Variants in DNAH5 observed in about 807,000 individuals in gnomAD.
The protein encoded by DNAH5 is axonemal beta dynein heavy chain 5.
In DNAH5, 372 loss-of-function variants were observed where a neutral mutation model predicts 518.2. That is an observed-to-expected ratio of 0.72 (90% CI 0.66 to 0.78). DNAH5 has a LOEUF of 0.78. Ranked by LOEUF, DNAH5 falls within the 30% of genes least tolerant of loss-of-function variation. The probability of loss-of-function intolerance (pLI) is 0.00; values close to 1 mark genes in which losing one functional copy is unlikely to be tolerated. For missense variants in DNAH5, 5,523 were observed against 5,687.0 expected (o/e 0.97, Z 0.93); for synonymous variants, 2,039 against 2,025.9 (o/e 1.01, Z -0.17).
intron 12 of DNAH5, among the ~76,000 whole-genome samples, chr5:13,910,112 A>C (rs888695633): frequency 6.6e-6 from 1 of 152,198 alleles, no homozygotes; most frequent in Non-Finnish European, 1.5e-5. Flanking sequence ...ATCTGCCCCC[A>C]AAAGAAATCA....
In DNAH5 at chr5:13,733,009, C is replaced by G. The variant is rs78948406; in HGVS notation, c.11761+2122G>C. Among the ~76,000 whole-genome samples the G allele has an allele frequency of 8.5e-3, 1,290 of 152,172 alleles. 12 individuals are homozygous for G. The highest frequency in any genetic ancestry group is 0.03 in the African/African-American group (1,226 of 41,530). On this transcript the variant is annotated intron_variant, in intron 68 of 78. Coordinates refer to ENST00000265104, the MANE Select transcript of DNAH5 (RefSeq NM_001369.3). ...CAAACAGCTGTTGAAAGCCAAAGACCCATGACAACCAGTCCAACCCATACA... is the reference window on the plus strand; with the variant it reads ...CAAACAGCTGTTGAAAGCCAAAGACGCATGACAACCAGTCCAACCCATACA...
At chr5:13,904,797 A>C (rs1178505428) in intron 12 of DNAH5, among the ~76,000 whole-genome samples, 2 of 151,996 alleles carry the variant, frequency 1.3e-5, no homozygotes, top group African/African-American at 2.4e-5. Flanking sequence ...TGTAGTCTCA[A>C]CTACTCGGGA....
At chr5:13,833,138 A>AAAAAAAAG (rs1402202921) in intron 35 of DNAH5, among the ~76,000 whole-genome samples, 1 of 125,390 alleles carries the variant, frequency 8.0e-6, no homozygotes, top group Non-Finnish European at 1.7e-5. Context: ...ATCCAAAAAA[A>AAAAAAAAG]AAAAAGAATG....
At chr5:13,717,717 G>A (rs992784378) in intron 72 of DNAH5, among the ~76,000 whole-genome samples, 197 bp from the exon 73 acceptor site, 5 of 152,076 alleles carry the variant, frequency 3.3e-5, no homozygotes, top group African/African-American at 1.2e-4. Flanking sequence ...AATCTTCAAA[G>A]AGACTTTGGG....
chr5:13,894,718 C>A lies in DNAH5; in HGVS notation c.2363G>T (p.Gly788Val). The change falls in exon 16 of 79, where the codon GGC becomes GTC. Residue 788 changes from glycine (G) to valine (V), a missense_variant. Gly to Val is a moderately radical substitution (Grantham distance 109). Around this residue, in one of 3 missense-constraint regions of DNAH5, gnomAD observed 5,121 missense variants for 5,223.3 expected, o/e 0.98. Transcript: ENST00000265104. ...TGATGTCCAGGTCAGTGCAGCCAAG[C>A]CAGGTTGGAGAGCTTCATCCACTTT... ...LAKVDEALQPGLAALTWTSLN... is the reference protein window; with the variant it reads ...LAKVDEALQPVLAALTWTSLN... 6.2e-7 allele frequency: 1 copy of A among 1,614,070 alleles called. No homozygotes were observed. Among genetic ancestry groups the A allele is most frequent in the Non-Finnish European group, 8.5e-7 (1 of 1,179,954 alleles).
intron 47 of DNAH5, among the ~76,000 whole-genome samples, chr5:13,805,121 C>T (rs10474995): frequency 5.3e-5 from 8 of 152,126 alleles, no homozygotes; most frequent in African/African-American, 1.7e-4. Context: ...CACTCATCAC[C>T]AGCCATGTGA....
chr5:13,826,978 T>G (rs1240047368), intron 38 of DNAH5, among the ~76,000 whole-genome samples: 1 of 152,206 alleles, frequency 6.6e-6, no homozygotes, highest in African/African-American at 2.4e-5. Flanking sequence ...GAGAGTTATA[T>G]GGACAGTGAT....
chr5:13,919,479 C>A, intron 6 of DNAH5, 127 bp from the exon 7 acceptor site: 1 of 1,096,714 alleles, frequency 9.1e-7, no homozygotes, highest in Non-Finnish European at 1.3e-6. Context: ...GTATTCCATG[C>A]TTCCAATAAC....
At chr5:13,701,538 A>G (rs1010000112) in intron 76 of DNAH5, 102 bp from the exon 77 acceptor site, 2 of 1,200,314 alleles carry the variant, frequency 1.7e-6, no homozygotes, top group Non-Finnish European at 2.4e-6. Flanking sequence ...TATCAATTTC[A>G]CTTTTATAAT....
chr5:13,753,100 C>G (rs964618666), intron 63 of DNAH5, 133 bp downstream of exon 63: 4 of 661,134 alleles, frequency 6.1e-6, no homozygotes, highest in African/African-American at 1.8e-5. Flanking sequence ...TTTAAGCTTG[C>G]ATCTGCTACT....
chr5:14,007,308 C>T (rs773174758), intron 1 of DNAH5, among the ~76,000 whole-genome samples: 23 of 152,292 alleles, frequency 1.5e-4, no homozygotes, highest in Middle Eastern at 3.4e-3. Flanking sequence ...TGTTCAGAAA[C>T]GATCCACAGA....
chr5:13,729,594 C>A, intron 68 of DNAH5, 34 bp from the exon 69 acceptor site: 1 of 1,567,304 alleles, frequency 6.4e-7, no homozygotes, highest in Non-Finnish European at 8.7e-7. Flanking sequence ...TCAGATTTCC[C>A]TTCCTTCACT....
At chr5:13,697,079 C>T (rs747855641) in intron 78 of DNAH5, among the ~76,000 whole-genome samples, 8 of 152,140 alleles carry the variant, frequency 5.3e-5, no homozygotes, top group Non-Finnish European at 8.8e-5. Flanking sequence ...CAAGAAAAAA[C>T]AGGAACATGT....
At chr5:13,962,946 C>T (rs1411061057) in intron 1 of DNAH5, among the ~76,000 whole-genome samples, 2 of 152,146 alleles carry the variant, frequency 1.3e-5, no homozygotes, top group African/African-American at 4.8e-5. Flanking sequence ...ACGTCCATGA[C>T]ACCCCACAGC....
intron 29 of DNAH5, among the ~76,000 whole-genome samples, chr5:13,862,057 T>C (rs1438947773): frequency 6.7e-6 from 1 of 149,624 alleles, no homozygotes; most frequent in Admixed American, 6.7e-5. Context: ...AGTCCACAGA[T>C]ATTGGTAAAA....
chr5:13,699,485 G>A lies in DNAH5; in HGVS notation c.13723+1155C>T, dbSNP rs550909303. 8.5e-4 allele frequency among the ~76,000 whole-genome samples: 130 copies of A among 152,232 alleles called. 1 individual carries two copies. Among genetic ancestry groups the A allele is most frequent in the African/African-American group, 2.6e-3 (109 of 41,548 alleles). ...TCCTAGCACTTTGGGAGGCCAAGGC[G>A]GGGGCAGATCATGAGGTCAGGAGTT... On this transcript the variant is annotated intron_variant, in intron 78 of 78. Transcript: ENST00000265104.
intron 1 of DNAH5, among the ~76,000 whole-genome samples, chr5:13,970,036 CATTATAT>C (rs1386767524): frequency 6.6e-6 from 1 of 152,146 alleles, no homozygotes; most frequent in Non-Finnish European, 1.5e-5. Flanking sequence ...GTCCTTTTAT[CATTATAT>C]AATATCCCTC....
chr5:13,701,187 C>A lies in DNAH5; in HGVS notation c.13491+97G>T. On this transcript the variant is annotated intron_variant, in intron 77 of 78. Transcript: ENST00000265104. ...ACTGCTAGTACCAAAAAGAGACAGTCATTCTCTGTCTTATTATAGTCTTTA... is the reference window on the plus strand; with the variant it reads ...ACTGCTAGTACCAAAAAGAGACAGTAATTCTCTGTCTTATTATAGTCTTTA... 3 of 1,508,318 alleles carry A rather than the reference C, an allele frequency of 2.0e-6. No homozygotes were observed. In the South Asian group the frequency reaches 3.4e-5, roughly 17 times the overall value. 93.4% of individuals were successfully genotyped at this position (1,508,318 alleles called of 1,614,324 possible). A position where few individuals can be genotyped will look rare whatever the true frequency, so the allele number is the denominator to read the frequency against.
At chr5:13,865,066 C>T (rs1483213291) in intron 27 of DNAH5, among the ~76,000 whole-genome samples, 3 of 149,674 alleles carry the variant, frequency 2.0e-5, no homozygotes, top group South Asian at 2.1e-4. Flanking sequence ...GCAATCTCCG[C>T]CCACTGCAAC....
Sources: allele counts gnomAD v4.1 joint callset (sites outside exome capture counted in the v4.1 genomes callset), GRCh38; gene constraint gnomAD v4.1.1; regional missense constraint gnomAD v4.1.1; transcripts MANE v1.5; gene names NCBI Gene and HGNC (gene_info 2026-07-23, HGNC 2026-07-21).